Variants in CPEB3 observed in about 807,000 individuals in gnomAD.
CPEB3 encodes cytoplasmic polyadenylation element binding protein 3, also known as cytoplasmic polyadenylation element-binding protein 3.
Under a neutral mutation model 67.2 loss-of-function variants are expected in CPEB3, and 20 were observed. The observed-to-expected ratio is 0.30, with a 90% CI of 0.21 to 0.43. CPEB3 has a LOEUF of 0.43. CPEB3 is among the 20% of genes least tolerant of loss of function. The probability of loss-of-function intolerance (pLI) is 1.00; values close to 1 mark genes in which losing one functional copy is unlikely to be tolerated. For synonymous variants in CPEB3, 376 were observed against 393.1 expected (o/e 0.96, Z 0.51); for missense variants, 746 against 968.6 (o/e 0.77, Z 3.05).
At chr10:92,154,357 A>T (rs561366821) in intron 4 of CPEB3, among the ~76,000 whole-genome samples, 2 of 133,848 alleles carry the variant, frequency 1.5e-5, no homozygotes, top group East Asian at 4.2e-4. Context: ...TTTTTAAACT[A>T]TATGTAATTG....
At chr10:92,056,892 C>T (rs1340259639) in intron 9 of CPEB3, among the ~76,000 whole-genome samples, 1 of 152,204 alleles carries the variant, frequency 6.6e-6, no homozygotes, top group Admixed American at 6.5e-5. Flanking sequence ...AGCTCAGCCA[C>T]AGAAGGATAG....
At chr10:92,280,227 T>C (rs1221414022) in intron 1 of CPEB3, among the ~76,000 whole-genome samples, 1 of 148,824 alleles carries the variant, frequency 6.7e-6, no homozygotes, top group Non-Finnish European at 1.5e-5. Context: ...ACACCTATAA[T>C]CCCAGCTACT....
chr10:92,176,908 G>A (rs536895958), intron 4 of CPEB3, among the ~76,000 whole-genome samples: 24 of 152,308 alleles, frequency 1.6e-4, no homozygotes, highest in African/African-American at 5.8e-4. Context: ...CTTTGAATGT[G>A]GCCCAAACAA....
At chr10:92,092,548 G>C (rs1590116864) in intron 7 of CPEB3, among the ~76,000 whole-genome samples, 1 of 152,314 alleles carries the variant, frequency 6.6e-6, no homozygotes, top group South Asian at 2.1e-4. Flanking sequence ...GGGAGGCTGA[G>C]GCAGGTGGAT....
Position 92,049,462 on chromosome 10 carries a change from G to A in CPEB3, c.*2750C>T, listed in dbSNP as rs1400332105. The A allele has an allele frequency of 1.3e-5, 2 of 152,234 alleles. No homozygotes were observed. The highest frequency in any genetic ancestry group is 1.5e-5 in the Non-Finnish European group (1 of 67,990). 9.4% of individuals were successfully genotyped at this position (152,234 alleles called of 1,614,324 possible). On this transcript the variant is annotated 3_prime_UTR_variant, in exon 10 of 10. Coordinates refer to ENST00000265997, the MANE Select transcript of CPEB3 (RefSeq NM_014912.5). ...TTAATATAACATTAACAACTTGGGG[G>A]CACATTTATTTACAAAACAAAAGGG...
At chr10:92,078,520 G>A (rs76300350) in intron 9 of CPEB3, among the ~76,000 whole-genome samples, 3,344 of 152,098 alleles carry the variant, frequency 0.022, 108 homozygotes, top group African/African-American at 0.077. Flanking sequence ...AAGCAGCAAA[G>A]GTTTAAATGT....
At chr10:92,289,557 TAATTA>T (rs1434518614) in intron 1 of CPEB3, among the ~76,000 whole-genome samples, 8 of 150,794 alleles carry the variant, frequency 5.3e-5, no homozygotes, top group Non-Finnish European at 1.0e-4. Context: ...ATCAATGAAT[TAATTA>T]AATAAATGAA....
At chr10:92,234,535 A>G (rs1851433989) in intron 2 of CPEB3, among the ~76,000 whole-genome samples, 3 of 152,212 alleles carry the variant, frequency 2.0e-5, no homozygotes, top group African/African-American at 7.2e-5. Context: ...TAGTCAAGGG[A>G]GTAGGAGCCA....
chr10:92,239,577 G>A lies in CPEB3; in HGVS notation c.774C>T (p.Pro258=), dbSNP rs750336287. 1.2e-5 allele frequency: 18 copies of A among 1,554,682 alleles called. No individual in the cohort carries two copies. The highest frequency in any genetic ancestry group is 1.5e-5 in the Non-Finnish European group (17 of 1,148,776). The change falls in exon 2 of 10, where the codon CCC becomes CCT. Residue 258 remains proline, a synonymous_variant. Coordinates refer to ENST00000265997, the MANE Select transcript of CPEB3 (RefSeq NM_014912.5). This position sits in a 1 kb window ranked among gnomAD's most constrained non-coding sequence, Gnocchi z 6.0. ...CCCGGCCCGCCTGCAGGCCGCCCCA[G>A]GGGTTGGACGGTGCGCTCCAGGCTG... ...VNAAWSAPSN[P]WGGLQAGRDP... is the part of the protein sequence containing the mutation.
At chr10:92,183,018 G>T (rs1274227914) in intron 3 of CPEB3, among the ~76,000 whole-genome samples, 1 of 151,970 alleles carries the variant, frequency 6.6e-6, no homozygotes, top group African/African-American at 2.4e-5. Context: ...AGCTTTCAAT[G>T]AAAATTTTTA....
At chr10:92,181,978 A>AT (rs1432995528) in intron 3 of CPEB3, among the ~76,000 whole-genome samples, 1 of 152,138 alleles carries the variant, frequency 6.6e-6, no homozygotes, top group Non-Finnish European at 1.5e-5. Context: ...CAAAAGGAAA[A>AT]TTTGAGAGAG....
chr10:92,282,543 C>A (rs2135088936), intron 1 of CPEB3, among the ~76,000 whole-genome samples: 1 of 152,154 alleles, frequency 6.6e-6, no homozygotes, highest in East Asian at 1.9e-4. Flanking sequence ...CAAAAATTAG[C>A]CAGGTGTGGT....
chr10:92,275,845 C>CTTTT (rs909549413), intron 1 of CPEB3, among the ~76,000 whole-genome samples: 66 of 92,952 alleles, frequency 7.1e-4, no homozygotes, highest in Non-Finnish European at 8.7e-4. Context: ...TCATTCTTTT[C>CTTTT]TTTTTTTTTT....
At chr10:92,280,398 A>AT (rs1842221830) in intron 1 of CPEB3, among the ~76,000 whole-genome samples, 1 of 149,452 alleles carries the variant, frequency 6.7e-6, no homozygotes, top group Non-Finnish European at 1.5e-5. Flanking sequence ...AAAAAACTAG[A>AT]TCCCTAAGGG....
At chr10:92,195,838 C>T (rs890756854) in intron 2 of CPEB3, among the ~76,000 whole-genome samples, 7 of 152,130 alleles carry the variant, frequency 4.6e-5, no homozygotes, top group African/African-American at 1.7e-4. Context: ...CCCTCAATGC[C>T]AAAACCTAAG....
intron 5 of CPEB3, among the ~76,000 whole-genome samples, chr10:92,144,282 T>G (rs913994595): frequency 2.0e-5 from 3 of 152,150 alleles, no homozygotes; most frequent in African/African-American, 7.2e-5. Flanking sequence ...ATTTATTTAT[T>G]TACTTATGAG....
intron 6 of CPEB3, among the ~76,000 whole-genome samples, chr10:92,129,199 A>AT (rs770629078): frequency 1.3e-5 from 2 of 152,214 alleles, no homozygotes; most frequent in Admixed American, 6.5e-5. Flanking sequence ...AGGAACACAG[A>AT]TGGAGCTGGA....
chr10:92,138,620 C>T (rs1304365557), intron 6 of CPEB3, among the ~76,000 whole-genome samples: 1 of 151,684 alleles, frequency 6.6e-6, no homozygotes, highest in African/African-American at 2.4e-5. Flanking sequence ...TGATTGTCAG[C>T]GAAAGGCAAA....
At chr10:92,187,638 C>T (rs1344659894) in intron 3 of CPEB3, among the ~76,000 whole-genome samples, 2 of 152,206 alleles carry the variant, frequency 1.3e-5, no homozygotes, top group African/African-American at 4.8e-5. Context: ...ACCTGACGAC[C>T]ATGAGTTTTC....
Sources: allele counts gnomAD v4.1 joint callset (sites outside exome capture counted in the v4.1 genomes callset), GRCh38; gene constraint gnomAD v4.1.1; non-coding constraint Gnocchi (gnomAD v3.1); transcripts MANE v1.5; gene names NCBI Gene and HGNC (gene_info 2026-07-23, HGNC 2026-07-21).